The following MYO10 variants were observed in gnomAD, a reference collection of about 807,000 sequenced individuals.
MYO10 encodes unconventional myosin-X.
In MYO10, 133 loss-of-function variants were observed where a neutral mutation model predicts 257.3. The ratio of observed to expected loss-of-function variants is 0.52; its 90% CI spans 0.45 to 0.60. MYO10 has a LOEUF of 0.60. MYO10 is among the 20% of genes least tolerant of loss of function. The pLI is 0.00. For synonymous variants in MYO10, 1,104 were observed against 1,028.6 expected, an observed-to-expected ratio of 1.07 and a Z score of -1.40; for missense variants, 2,399 against 2,635.7, an observed-to-expected ratio of 0.91 and a Z score of 1.97.
chr5:16,671,565 G>A (rs1474381574), intron 37 of MYO10, 23 bp from the exon 38 acceptor site: 1 of 1,613,748 alleles, frequency 6.2e-7, no homozygotes, highest in Non-Finnish European at 8.5e-7. Flanking sequence ...GTCAAGAGAG[G>A]CTCAGAATAT....
intron 21 of MYO10, among the ~76,000 whole-genome samples, chr5:16,705,762 C>T (rs1234413562): frequency 1.3e-5 from 2 of 152,190 alleles, no homozygotes; most frequent in East Asian, 1.9e-4. Context: ...AGTCCTACCA[C>T]CTTGTGACTC....
In MYO10 at chr5:16,853,109, G is replaced by T. The variant is rs148409793; in HGVS notation, c.120+24500C>A. On this transcript the variant is annotated intron_variant, in intron 2 of 40. Transcript: ENST00000513610. The stretch of plus-strand genomic sequence containing the variant: ...ATGTTGGCCGGGCGCGGCGGCTCAC[G>T]CCTGTAATCCCAGCACTTTGGGAGG... Among the ~76,000 whole-genome samples the T allele has an allele frequency of 4.5e-4, 69 of 152,216 alleles. 1 individual carries two copies. The highest frequency in any genetic ancestry group is 1.7e-3 in the African/African-American group (69 of 41,550).
At chr5:16,858,340 G>A (rs919851130) in intron 2 of MYO10, among the ~76,000 whole-genome samples, 2 of 151,898 alleles carry the variant, frequency 1.3e-5, no homozygotes, top group Admixed American at 1.3e-4. Flanking sequence ...TCGCACACTG[G>A]AGTCGTCACA....
chr5:16,919,767 A>C (rs1745929358), intron 1 of MYO10, among the ~76,000 whole-genome samples: 2 of 152,110 alleles, frequency 1.3e-5, no homozygotes, highest in African/African-American at 4.8e-5. Context: ...ACCTGAGGTC[A>C]GGAGTTTGAG....
intron 2 of MYO10, among the ~76,000 whole-genome samples, chr5:16,829,753 G>A (rs1038617397): frequency 5.9e-5 from 9 of 152,146 alleles, no homozygotes; most frequent in South Asian, 4.2e-4. Flanking sequence ...CAGACGCAAC[G>A]AACACACTTT....
intron 1 of MYO10, among the ~76,000 whole-genome samples, chr5:16,925,895 C>A (rs1315441714): frequency 1.3e-5 from 2 of 152,132 alleles, no homozygotes; most frequent in Admixed American, 6.5e-5. Context: ...TGCAAGACAC[C>A]AGTTCAGCAT....
In MYO10 at chr5:16,747,296, T is replaced by A. The variant is rs193170984; in HGVS notation, c.1929+7532A>T. ...ATCCTCCAGCTACACAAATCAAAGA[T>A]GATCAGAAGAGAAAAGCATGCCAAA... On this transcript the variant is annotated intron_variant, in intron 19 of 40. Coordinates refer to ENST00000513610, the MANE Select transcript of MYO10 (RefSeq NM_012334.3). 4.3e-3 allele frequency among the ~76,000 whole-genome samples: 650 copies of A among 152,284 alleles called. 4 individuals carry two copies. Among genetic ancestry groups the A allele is most frequent in the African/African-American group, 0.015 (624 of 41,552 alleles).
chr5:16,918,829 CG>C (rs1358434138), intron 1 of MYO10, among the ~76,000 whole-genome samples: 2 of 152,066 alleles, frequency 1.3e-5, no homozygotes, highest in Non-Finnish European at 2.9e-5. Flanking sequence ...AGCCCTCACT[CG>C]GAACAGGGAT....
At chr5:16,747,918 C>CAAAAAAAAAAAAAAA (rs777257950) in intron 19 of MYO10, among the ~76,000 whole-genome samples, 3 of 30,536 alleles carry the variant, frequency 9.8e-5, no homozygotes, top group Non-Finnish European at 2.4e-4. Context: ...AACTCCGTCT[C>CAAAAAAAAAAAAAAA]AAAAAAAAAA....
At position 16,673,730 on chromosome 5, in the gene MYO10, GC is replaced by G; in HGVS notation, c.5123del (p.Gly1708AlafsTer22). The G allele has an allele frequency of 1.2e-6, 2 of 1,613,922 alleles. No homozygotes were observed. Among genetic ancestry groups the G allele is most frequent in the Non-Finnish European group, 1.7e-6 (2 of 1,179,894 alleles). ...QEMTSTVYCH[G>X]GGSCKITINS... ...TGATGGTGATCTTGCAGGAGCCGCC[GC>G]CATGGCAATAGACCGTGGATGTCAT... On this transcript the variant is annotated frameshift_variant, in exon 36 of 41. Transcript: ENST00000513610. LOFTEE classifies it high-confidence loss of function.
intron 1 of MYO10, among the ~76,000 whole-genome samples, chr5:16,889,168 G>A: frequency 7.1e-6 from 1 of 141,032 alleles, no homozygotes; most frequent in Non-Finnish European, 1.5e-5. Flanking sequence ...GCAAGACCCT[G>A]CCTCAAAATT....
intron 17 of MYO10, among the ~76,000 whole-genome samples, chr5:16,760,426 A>C (rs1004841115): frequency 2.0e-5 from 3 of 150,004 alleles, no homozygotes; most frequent in Non-Finnish European, 4.4e-5. Context: ...GCGCCACTGC[A>C]CTCCAGTCTG....
At chr5:16,799,584 C>T (rs1228439208) in intron 3 of MYO10, among the ~76,000 whole-genome samples, 6 of 152,182 alleles carry the variant, frequency 3.9e-5, no homozygotes, top group Middle Eastern at 3.4e-3. Context: ...CCTTCGCCTC[C>T]CGTGTTCAAG....
At chr5:16,670,454 G>T in intron 39 of MYO10, 72 bp downstream of exon 39, 1 of 1,353,342 alleles carries the variant, frequency 7.4e-7, no homozygotes, top group Non-Finnish European at 1.0e-6. Flanking sequence ...CTCTCCACAT[G>T]AACTTGGCCG....
At chr5:16,906,931 A>G (rs564518233) in intron 1 of MYO10, among the ~76,000 whole-genome samples, 74 of 152,080 alleles carry the variant, frequency 4.9e-4, no homozygotes, top group African/African-American at 1.7e-3. Context: ...GGCTAACACG[A>G]TGAAACCCCG....
At chr5:16,913,928 T>C (rs985169855) in intron 1 of MYO10, among the ~76,000 whole-genome samples, 9 of 152,034 alleles carry the variant, frequency 5.9e-5, no homozygotes, top group African/African-American at 2.2e-4. Context: ...ATGACCTGGA[T>C]CACGTGGGAT....
At chr5:16,870,514 G>T (rs1196245671) in intron 2 of MYO10, among the ~76,000 whole-genome samples, 1 of 151,492 alleles carries the variant, frequency 6.6e-6, no homozygotes, top group East Asian at 1.9e-4. Flanking sequence ...CAGGTGATTC[G>T]TATGCACCAC....
At position 16,698,623 on chromosome 5, in the gene MYO10, G is replaced by GTTTTTTTTTTT. The variant is rs5866202; in HGVS notation, c.3556+816_3556+826dup. Among the ~76,000 whole-genome samples the GTTTTTTTTTTT allele has an allele frequency of 9.4e-4, 107 of 113,806 alleles. 4 individuals are homozygous for GTTTTTTTTTTT. The highest frequency in any genetic ancestry group is 1.7e-3 in the East Asian group (7 of 4,074). The allele number at this position is 113,806 out of a possible 152,430, so 74.7% of individuals were successfully genotyped here. A position where few individuals can be genotyped will look rare whatever the true frequency, so the allele number is the denominator to read the frequency against. On this transcript the variant is annotated intron_variant, in intron 26 of 40. Transcript: ENST00000513610. Reference sequence around the variant, plus strand: ...TATCCCTGGCAGGAGAGAACATGCAGTTTTTTTTTTTTTTTTTTGAGACAG... The same window carrying GTTTTTTTTTTT: ...TATCCCTGGCAGGAGAGAACATGCAGTTTTTTTTTTTTTTTTTTTTTTTTTTTTTGAGACAG...
chr5:16,898,782 C>T (rs1038538644), intron 1 of MYO10, among the ~76,000 whole-genome samples: 1 of 151,814 alleles, frequency 6.6e-6, no homozygotes, highest in Non-Finnish European at 1.5e-5. Flanking sequence ...TTCAAGTGCC[C>T]AAATATCACA....
Sources: allele counts gnomAD v4.1 joint callset (sites outside exome capture counted in the v4.1 genomes callset), GRCh38; gene constraint gnomAD v4.1.1; transcripts MANE v1.5; gene names NCBI Gene and HGNC (gene_info 2026-07-23, HGNC 2026-07-21).